RAB38: variants seen among roughly 807,000 people sequenced by gnomAD.
RAB38 encodes RAB38, member RAS oncogene family, also known as ras-related protein Rab-38.
A neutral mutation model predicts 18.4 loss-of-function variants in RAB38; 15 were observed. That is an observed-to-expected ratio of 0.82 (90% CI 0.55 to 1.26). The LOEUF (loss-of-function observed/expected upper bound fraction) is 1.26. RAB38 is among the 50% of genes most tolerant of loss of function. RAB38 has a pLI of 0.00. For synonymous variants in RAB38, 101 were observed against 104.4 expected (o/e 0.97, Z 0.20); for missense variants, 294 against 267.4 (o/e 1.10, Z -0.69).
At chr11:87,936,480 T>C in the RAB38 span, among the ~76,000 whole-genome samples, 1 of 152,118 alleles carries the variant, frequency 6.6e-6, no homozygotes. Flanking sequence ...ACTTCTGGGT[T>C]CTTCTGTTCC....
chr11:88,058,220 A>G, the RAB38 span, among the ~76,000 whole-genome samples: 1 of 152,216 alleles, frequency 6.6e-6, no homozygotes. Context: ...TACAATACAT[A>G]TGACCCACAA....
the RAB38 span, among the ~76,000 whole-genome samples, chr11:88,060,439 A>G: frequency 6.6e-6 from 1 of 152,218 alleles, no homozygotes; most frequent in Non-Finnish European, 1.5e-5. Context: ...CCCAAAGTAA[A>G]AGGAAGTGAT....
intron 1 of RAB38, among the ~76,000 whole-genome samples, chr11:88,160,827 C>A (rs1037605314): frequency 2.0e-5 from 3 of 152,010 alleles, no homozygotes; most frequent in Non-Finnish European, 4.4e-5. Context: ...CCAGGCACTA[C>A]TGGAGTGAGA....
the RAB38 span, among the ~76,000 whole-genome samples, chr11:88,089,774 GA>G: frequency 6.6e-6 from 1 of 151,930 alleles, no homozygotes; most frequent in Non-Finnish European, 1.5e-5. Context: ...AACGGCACAT[GA>G]ACTCTAAGAT....
At chr11:88,166,722 A>G (rs1943249605) in intron 1 of RAB38, 1 of 152,160 alleles carries the variant, frequency 6.6e-6, no homozygotes, top group African/African-American at 2.4e-5. Context: ...GCTTTTAAGA[A>G]TGGTATTTAA....
chr11:88,110,315 T>G (rs182523843), downstream of RAB38, among the ~76,000 whole-genome samples: 1 of 151,768 alleles, frequency 6.6e-6, no homozygotes, highest in Admixed American at 6.6e-5. Context: ...AAGTGGGAGT[T>G]GAACAATGAG....
At chr11:88,118,595 A>G (rs941330084) in intron 2 of RAB38, among the ~76,000 whole-genome samples, 3 of 152,204 alleles carry the variant, frequency 2.0e-5, no homozygotes, top group African/African-American at 4.8e-5. Flanking sequence ...AGTAGTCACA[A>G]CATCTCCAGG....
chr11:88,014,684 G>A, the RAB38 span, among the ~76,000 whole-genome samples: 1 of 152,028 alleles, frequency 6.6e-6, no homozygotes, highest in African/African-American at 2.4e-5. Flanking sequence ...ATGTGTTTTG[G>A]GGAGGATCCT....
the RAB38 span, among the ~76,000 whole-genome samples, chr11:87,944,290 A>C: frequency 1.3e-5 from 2 of 152,174 alleles, no homozygotes; most frequent in Non-Finnish European, 2.9e-5. Context: ...AAAAACAAAA[A>C]GCATTATCTG....
the RAB38 span, among the ~76,000 whole-genome samples, chr11:87,953,694 C>T: frequency 5.3e-5 from 8 of 152,154 alleles, no homozygotes; most frequent in East Asian, 1.9e-4. Context: ...GTACTATCTG[C>T]GGTTTCAGGC....
chr11:87,847,901 A>T, the RAB38 span, among the ~76,000 whole-genome samples: 1 of 152,146 alleles, frequency 6.6e-6, no homozygotes, highest in Non-Finnish European at 1.5e-5. Context: ...GGGGCAGAAT[A>T]AAAGAGCTAA....
the RAB38 span, among the ~76,000 whole-genome samples, chr11:87,966,709 AT>A: frequency 1.1e-4 from 17 of 152,170 alleles, no homozygotes; most frequent in East Asian, 2.1e-3. Flanking sequence ...CCTTTTCTCC[AT>A]TTTTCCTCCT....
chr11:88,050,112 G>T, the RAB38 span: 1 of 152,138 alleles, frequency 6.6e-6, no homozygotes, highest in Admixed American at 6.5e-5. Context: ...TAAGGTACTG[G>T]TGCAGACAGC....
the RAB38 span, among the ~76,000 whole-genome samples, chr11:88,025,182 T>C: frequency 2.7e-4 from 41 of 150,984 alleles, no homozygotes; most frequent in African/African-American, 8.3e-4. Context: ...ATATATGTGA[T>C]ATACATATGA....
chr11:87,957,070 G>A, the RAB38 span, among the ~76,000 whole-genome samples: 1 of 151,890 alleles, frequency 6.6e-6, no homozygotes, highest in Non-Finnish European at 1.5e-5. Flanking sequence ...TTTCTCTTAT[G>A]AATCTGTCTA....
At chr11:87,938,484 T>A in the RAB38 span, among the ~76,000 whole-genome samples, 1 of 152,016 alleles carries the variant, frequency 6.6e-6, no homozygotes, top group African/African-American at 2.4e-5. Flanking sequence ...AAGGGAGAAG[T>A]CCAGTTTCCC....
intron 2 of RAB38, among the ~76,000 whole-genome samples, chr11:88,146,770 T>A (rs1037567513): frequency 1.3e-5 from 2 of 152,202 alleles, no homozygotes; most frequent in African/African-American, 4.8e-5. Context: ...ACAACCTCAA[T>A]AGCATTAGGT....
chr11:87,954,780 A>G, the RAB38 span, among the ~76,000 whole-genome samples: 22 of 152,142 alleles, frequency 1.4e-4, no homozygotes, highest in Non-Finnish European at 2.5e-4. Flanking sequence ...ACTTTTAGCT[A>G]AAATGTGATG....
chr11:88,056,142 T>C, the RAB38 span, among the ~76,000 whole-genome samples: 3,120 of 152,256 alleles, frequency 0.02, 105 homozygotes, highest in African/African-American at 0.07. Flanking sequence ...ATTAGTATGG[T>C]AATGAAGAAC....
Sources: allele counts gnomAD v4.1 joint callset (sites outside exome capture counted in the v4.1 genomes callset), GRCh38; gene constraint gnomAD v4.1.1; transcripts MANE v1.5; gene names NCBI Gene and HGNC (gene_info 2026-07-23, HGNC 2026-07-21).